Variants in TET1 observed in about 807,000 individuals in gnomAD.
TET1 encodes tet methylcytosine dioxygenase 1, also known as methylcytosine dioxygenase TET1.
A neutral mutation model predicts 148.7 loss-of-function variants in TET1; 13 were observed. The ratio of observed to expected loss-of-function variants is 0.09; its 90% CI spans 0.06 to 0.14. TET1 has a LOEUF of 0.14. Among genes scored for constraint, TET1 ranks in the 10% least tolerant of loss-of-function variants. The probability of loss-of-function intolerance (pLI) is 1.00; values close to 1 mark genes in which losing one functional copy is unlikely to be tolerated. For missense variants in TET1, 2,182 were observed against 2,553.8 expected, an observed-to-expected ratio of 0.85 and a Z score of 3.14; for synonymous variants, 907 against 937.2, an observed-to-expected ratio of 0.97 and a Z score of 0.59.
At position 68,657,563 on chromosome 10, in the gene TET1, G is replaced by C. The variant is rs901030704; in HGVS notation, c.4461+4969G>C. 7.9e-5 allele frequency among the ~76,000 whole-genome samples: 12 copies of C among 152,294 alleles called. No homozygotes were observed. In the South Asian group the frequency reaches 1.4e-3, roughly 18 times the overall value. On this transcript the variant is annotated intron_variant, in intron 6 of 11. Coordinates refer to ENST00000373644, the MANE Select transcript of TET1 (RefSeq NM_030625.3). ...CTGGACGATTGCTTGAGCATAGGAA[G>C]AGGAGGTTGCAGTGAGCCATTATTG...
At position 68,651,956 on chromosome 10, in the gene TET1, T is replaced by C. The variant is rs1323232826; in HGVS notation, c.4367+20T>C. ...GAATAGGTGAGGAAATACGCTTCCC[T>C]GTTAAAATCATTCTTACTGTGGATC... is the stretch of plus-strand genomic sequence containing the variant. On this transcript the variant is annotated intron_variant, in intron 5 of 11. Transcript: ENST00000373644. The C allele has an allele frequency of 6.3e-7, 1 of 1,594,714 alleles. No homozygotes were observed. The highest frequency in any genetic ancestry group is 1.1e-5 in the South Asian group (1 of 89,630).
intron 3 of TET1, among the ~76,000 whole-genome samples, chr10:68,623,400 G>C (rs1002245438): frequency 2.6e-5 from 4 of 152,176 alleles, no homozygotes; most frequent in Non-Finnish European, 5.9e-5. Flanking sequence ...TGGATAGAAG[G>C]GAGGAGGAAA....
chr10:68,651,315 G>A (rs553489856), intron 4 of TET1, among the ~76,000 whole-genome samples: 109 of 152,176 alleles, frequency 7.2e-4, no homozygotes, highest in African/African-American at 2.5e-3. Flanking sequence ...TTAGCCGGGC[G>A]TGGTGGCGGG....
In TET1 at chr10:68,690,824, C is replaced by T. The variant is rs201000084; in HGVS notation, c.5421C>T (p.Thr1807=). Residue 1807 remains threonine (T), a synonymous_variant, in exon 12 of 12, where the codon ACC becomes ACT. Coordinates refer to ENST00000373644, the MANE Select transcript of TET1 (RefSeq NM_030625.3). Reference sequence around the variant, plus strand: ...CTTGTTTAGGGAGTAACACTGAGACCGTGCAACCTGAAGTAAAAAGTGAAA... The same window carrying T: ...CTTGTTTAGGGAGTAACACTGAGACTGTGCAACCTGAAGTAAAAAGTGAAA... The part of the protein sequence containing the change: ...SLPTLGSNTE[T]VQPEVKSETE... 8.1e-6 allele frequency: 13 copies of T among 1,605,884 alleles called. No homozygotes were observed. The highest frequency in any genetic ancestry group is 4.0e-5 in the African/African-American group (3 of 74,796).
At position 68,689,671 on chromosome 10, in the gene TET1, C is replaced by T. The variant is rs183331754; in HGVS notation, c.5405-1137C>T. Among the ~76,000 whole-genome samples the T allele has an allele frequency of 4.3e-4, 65 of 151,808 alleles. 1 individual carries two copies. The highest frequency in any genetic ancestry group is 1.5e-3 in the African/African-American group (60 of 41,366). ...GTGTGCGCTTGTAGTCCCAGCTACT[C>T]GGGAGGCTGAGGCGGGGGAATCGCT... On this transcript the variant is annotated intron_variant, in intron 11 of 11. Transcript: ENST00000373644.
Position 68,686,531 on chromosome 10 carries a change from A to G in TET1, c.5228A>G (p.Lys1743Arg). ...GAGGTCCTGGCACCCCGCCGCAAAA[A>G]AAGAACGTGTTTCACTCAGCCTGTT... ...AIEVLAPRRK[K>R]RTCFTQPVPR... is the part of the protein sequence containing the mutation. Residue 1743 changes from lysine to arginine, a missense_variant, in exon 11 of 12, where the codon AAA becomes AGA. By Grantham distance (26) the Lys-to-Arg change is conservative (BLOSUM62 2). This residue lies in a region of TET1 where 380 missense variants were observed against 387.9 expected (regional missense o/e 0.98). Coordinates refer to ENST00000373644, the MANE Select transcript of TET1 (RefSeq NM_030625.3). The G allele has an allele frequency of 6.2e-7, 1 of 1,614,130 alleles. No homozygotes were observed. Among genetic ancestry groups the G allele is most frequent in the Non-Finnish European group, 8.5e-7 (1 of 1,180,032 alleles).
chr10:68,595,983 TACAC>T lies in TET1; in HGVS notation c.1915-4956_1915-4953del, dbSNP rs773605594. On this transcript the variant is annotated intron_variant, in intron 2 of 11. Coordinates refer to ENST00000373644, the MANE Select transcript of TET1 (RefSeq NM_030625.3). ...ATATACACACACACACACACATATA[TACAC>T]ACACACACACACACACACACACACA... 9.4e-3 allele frequency among the ~76,000 whole-genome samples: 474 copies of T among 50,354 alleles called. 2 individuals are homozygous for T. Among genetic ancestry groups the T allele is most frequent in the Middle Eastern group, 0.044 (3 of 68 alleles). The allele number at this position is 50,354 out of a possible 152,430, so 33.0% of individuals were successfully genotyped here.
chr10:68,596,021 CACACACAT>C (rs1490481871), intron 2 of TET1, among the ~76,000 whole-genome samples: 79 of 102,702 alleles, frequency 7.7e-4, no homozygotes, highest in Non-Finnish European at 1.1e-3. Context: ...CACACACACA[CACACACAT>C]ATATATATAT....
chr10:68,667,294 T>A (rs775773397), intron 7 of TET1, 38 bp downstream of exon 7: 6 of 1,536,346 alleles, frequency 3.9e-6, no homozygotes, highest in Non-Finnish European at 5.3e-6. Flanking sequence ...ACCATTCAGA[T>A]CTCTATTACA....
chr10:68,649,924 G>T (rs1453492578), intron 4 of TET1, among the ~76,000 whole-genome samples: 4 of 152,112 alleles, frequency 2.6e-5, no homozygotes, highest in Non-Finnish European at 5.9e-5. Flanking sequence ...TGTGCTCATT[G>T]TGTAGAAAAA....
intron 3 of TET1, among the ~76,000 whole-genome samples, chr10:68,630,310 TTTG>T (rs1010788322): frequency 1.3e-4 from 20 of 152,144 alleles, no homozygotes; most frequent in East Asian, 1.9e-4. Flanking sequence ...ATGGTTGAGT[TTTG>T]TTGTTGTTGT....
At chr10:68,639,650 C>T (rs999724647) in intron 3 of TET1, among the ~76,000 whole-genome samples, 14 of 151,852 alleles carry the variant, frequency 9.2e-5, no homozygotes, top group Admixed American at 7.2e-4. Context: ...TAGTAGAGAC[C>T]GAGTTTCACT....
intron 10 of TET1, among the ~76,000 whole-genome samples, chr10:68,683,891 G>A (rs2133228008): frequency 6.6e-6 from 1 of 152,310 alleles, no homozygotes; most frequent in Admixed American, 6.5e-5. Flanking sequence ...ATCATCACAT[G>A]TCCATCGCCT....
At chr10:68,612,155 T>A (rs2054225611) in intron 3 of TET1, among the ~76,000 whole-genome samples, 1 of 151,088 alleles carries the variant, frequency 6.6e-6, no homozygotes, top group African/African-American at 2.4e-5. Flanking sequence ...AGTGGCTCGA[T>A]CTTGGCTCAC....
At chr10:68,624,658 T>TTCTTTCTTTC (rs1397280418) in intron 3 of TET1, among the ~76,000 whole-genome samples, 3 of 95,276 alleles carry the variant, frequency 3.1e-5, no homozygotes, top group Admixed American at 1.1e-4. Context: ...CTTTCTTTCT[T>TTCTTTCTTTC]TCTCTCTCTC....
At position 68,624,640 on chromosome 10, in the gene TET1, CTT is replaced by C. The variant is rs1300599616; in HGVS notation, c.1969-20056_1969-20055del. 5.0e-4 allele frequency among the ~76,000 whole-genome samples: 24 copies of C among 47,950 alleles called. No individual in the cohort carries two copies. The South Asian group carries it at 7.0e-3, about 14-fold the overall frequency. The allele number at this position is 47,950 out of a possible 152,430, so 31.5% of individuals were successfully genotyped here. ...TCTTTCTTTCTTTCTTTCTTTCTTT[CTT>C]TCTTTCTTTCTTTCTTTCTCTCTCT... On this transcript the variant is annotated intron_variant, in intron 3 of 11. Transcript: ENST00000373644.
In TET1 at chr10:68,640,700, T is replaced by C. The variant is rs201741957; in HGVS notation, c.1969-3998T>C. ...CCAAGTAGCTGGGACTACAGGCGCC[T>C]GCCACCACACCCGGCTAATTTTTTT... On this transcript the variant is annotated intron_variant, in intron 3 of 11. Coordinates refer to ENST00000373644, the MANE Select transcript of TET1 (RefSeq NM_030625.3). Among the ~76,000 whole-genome samples, 301 of 151,112 alleles carry C rather than the reference T, an allele frequency of 2.0e-3. 2 individuals are homozygous for C. Among genetic ancestry groups the C allele is most frequent in the East Asian group, 0.013 (65 of 5,130 alleles).
chr10:68,642,885 A>G (rs12250316), intron 3 of TET1, among the ~76,000 whole-genome samples: 9,668 of 152,128 alleles, frequency 0.064, 1,032 homozygotes, highest in African/African-American at 0.22. Context: ...GATTACAGGT[A>G]TGCGCTACTG....
chr10:68,604,555 G>C (rs1052812356), intron 3 of TET1, among the ~76,000 whole-genome samples: 1 of 152,178 alleles, frequency 6.6e-6, no homozygotes, highest in Admixed American at 6.5e-5. Flanking sequence ...AGTCAAGTGG[G>C]GGGTGGGTGT....
Sources: gnomAD v4.1 joint callset for allele counts (sites outside exome capture counted in the v4.1 genomes callset) on GRCh38, gnomAD v4.1.1 for gene constraint, gnomAD v4.1.1 regional missense constraint, MANE v1.5 for transcripts, NCBI Gene and HGNC (gene_info 2026-07-23, HGNC 2026-07-21) for gene names.